Variants in KMT2E observed in about 807,000 individuals in gnomAD.
The protein encoded by KMT2E is lysine methyltransferase 2E (inactive).
In KMT2E, 30 loss-of-function variants were observed where a neutral mutation model predicts 184.6. The ratio of observed to expected loss-of-function variants is 0.16; its 90% CI spans 0.12 to 0.22. The LOEUF (loss-of-function observed/expected upper bound fraction) is 0.22, where lower values mean the gene tolerates loss of function less well. Ranked by LOEUF, KMT2E falls within the 10% of genes least tolerant of loss-of-function variation. KMT2E has a pLI of 1.00. For missense variants in KMT2E, 2,023 were observed against 2,237.4 expected (o/e 0.90, Z 1.93); for synonymous variants, 815 against 776.5 (o/e 1.05, Z -0.82).
intron 4 of KMT2E, 100 bp downstream of exon 4, chr7:105,062,378 G>T (rs2129567147): frequency 1.5e-6 from 1 of 675,958 alleles, no homozygotes. Flanking sequence ...TGAAAAGCAT[G>T]GTTGTTTCAT....
intron 1 of KMT2E, among the ~76,000 whole-genome samples, chr7:105,035,873 T>C (rs919401647): frequency 3.9e-5 from 6 of 152,154 alleles, no homozygotes; most frequent in Admixed American, 2.6e-4. Context: ...ACACAAATTT[T>C]AGTCTTTGAG....
chr7:105,101,621 A>T (rs760469940), intron 16 of KMT2E, 32 bp downstream of exon 16: 1 of 1,460,392 alleles, frequency 6.8e-7, no homozygotes, highest in Admixed American at 2.6e-5. Flanking sequence ...TTATTTTCTT[A>T]AACACTTTAA....
At chr7:105,020,104 T>C (rs1048505117) in intron 1 of KMT2E, among the ~76,000 whole-genome samples, 2 of 141,144 alleles carry the variant, frequency 1.4e-5, no homozygotes, top group African/African-American at 5.3e-5. Context: ...TGAGACTCTG[T>C]CTCAAAAAAA....
At chr7:105,030,023 T>C (rs1267308434) in intron 1 of KMT2E, among the ~76,000 whole-genome samples, 2 of 152,232 alleles carry the variant, frequency 1.3e-5, no homozygotes, top group African/African-American at 4.8e-5. Context: ...TGAGGTAATA[T>C]AGAAATACCT....
chr7:105,041,144 TAA>T (rs780544337), intron 3 of KMT2E, 121 bp downstream of exon 3: 7,183 of 429,080 alleles, frequency 0.017, no homozygotes, highest in South Asian at 0.022. Context: ...TTTTTTAAAG[TAA>T]AAAAAAAAAA....
chr7:105,093,409 C>T (rs895460643), intron 15 of KMT2E, among the ~76,000 whole-genome samples: 5 of 151,288 alleles, frequency 3.3e-5, no homozygotes, highest in Non-Finnish European at 7.4e-5. Flanking sequence ...TTGCTGGGCG[C>T]GGTGGCTCAC....
intron 12 of KMT2E, among the ~76,000 whole-genome samples, chr7:105,081,030 C>T (rs769805487): frequency 3.3e-5 from 5 of 151,218 alleles, no homozygotes; most frequent in African/African-American, 9.7e-5. Flanking sequence ...AACAAAAAAC[C>T]CTAAGATGCC....
At position 105,084,064 on chromosome 7, in the gene KMT2E, A is replaced by G. The variant is rs576087345; in HGVS notation, c.1358+2267A>G. Among the ~76,000 whole-genome samples the G allele has an allele frequency of 8.5e-4, 130 of 152,346 alleles. 1 individual carries two copies. Among genetic ancestry groups the G allele is most frequent in the African/African-American group, 3.1e-3 (127 of 41,574 alleles). ...CATTTGCAATACAAGATAAAAAGGT[A>G]TATTGCAAAAAGTGCATGGTTTTCA... is the stretch of plus-strand genomic sequence containing the variant. On this transcript the variant is annotated intron_variant, in intron 13 of 26. Transcript: ENST00000311117.
intron 3 of KMT2E, among the ~76,000 whole-genome samples, chr7:105,061,011 A>G (rs983071366): frequency 2.0e-5 from 3 of 152,198 alleles, no homozygotes; most frequent in Non-Finnish European, 1.5e-5. Flanking sequence ...AAGCATGACT[A>G]TATTCAGAAC....
At chr7:105,044,476 T>TAGTTATGTG (rs1256172475) in intron 3 of KMT2E, among the ~76,000 whole-genome samples, 7 of 151,936 alleles carry the variant, frequency 4.6e-5, no homozygotes, top group African/African-American at 1.7e-4. Flanking sequence ...GACCCCAGAG[T>TAGTTATGTG]AGTTATGTGG....
intron 15 of KMT2E, among the ~76,000 whole-genome samples, chr7:105,093,672 G>C (rs939869522): frequency 2.0e-5 from 3 of 151,798 alleles, no homozygotes; most frequent in South Asian, 4.1e-4. Context: ...CAACAAGAGC[G>C]AAACTCCATC....
intron 3 of KMT2E, among the ~76,000 whole-genome samples, chr7:105,042,746 C>T (rs567616673): frequency 1.3e-5 from 2 of 152,038 alleles, no homozygotes; most frequent in South Asian, 2.1e-4. Flanking sequence ...AAATTTCTTA[C>T]GTATTTTCAT....
Position 105,079,199 on chromosome 7 carries a change from G to A in KMT2E, c.1248+236G>A, listed in dbSNP as rs956991105. 9.4e-5 allele frequency among the ~76,000 whole-genome samples: 14 copies of A among 149,302 alleles called. 1 individual carries two copies. Among genetic ancestry groups the A allele is most frequent in the African/African-American group, 2.7e-4 (11 of 40,466 alleles). On this transcript the variant is annotated intron_variant, in intron 12 of 26. Transcript: ENST00000311117. ...TGCCCAGGCTGGAATACAATGGCAC[G>A]ATCTCAGCTCATGTAACCTCCGTCT...
In KMT2E at chr7:105,105,547, A is replaced by G; in HGVS notation, c.2305A>G (p.Thr769Ala). ...RITTDPEVLA[T>A]QLNSLPGLTY... ...AACTACAGATCCTGAAGTGTTAGCT[A>G]CACAACTCAATTCTTTACCAGGTCT... Residue 769 changes from threonine to alanine, a missense_variant, in exon 18 of 27, where the codon ACA (threonine) becomes GCA (alanine). Coordinates refer to ENST00000311117, the MANE Select transcript of KMT2E (RefSeq NM_182931.3). 6.2e-7 allele frequency: 1 copy of G among 1,614,132 alleles called. No homozygotes were observed. The highest frequency in any genetic ancestry group is 8.5e-7 in the Non-Finnish European group (1 of 1,179,980).
chr7:105,050,658 C>CTTT (rs1796295699), intron 3 of KMT2E, among the ~76,000 whole-genome samples: 1 of 143,834 alleles, frequency 7.0e-6, no homozygotes, highest in East Asian at 2.0e-4. Flanking sequence ...TTCTTTCTTT[C>CTTT]TTTCTTTTTT....
In KMT2E at chr7:105,106,679, A is replaced by G. The variant is rs1798911282; in HGVS notation, c.2754A>G (p.Ser918=). ...TTGCCACGCCTCCACGGATAAAATC[A>G]GATGATGAAACTTGTAGAAATGGTT... ...PSFATPPRIK[S]DDETCRNGYK... Residue 918 remains serine (S), a synonymous_variant, in exon 20 of 27, where the codon TCA becomes TCG. Transcript: ENST00000311117. 1 of 1,613,960 alleles carries G rather than the reference A, an allele frequency of 6.2e-7. No homozygotes were observed.
At position 105,114,635 on chromosome 7, in the gene KMT2E, CAT is replaced by C. The variant is rs1491261882; in HGVS notation, c.*1305_*1306del. ...ATAATGATACTGTTTTATCAATCAACATATTTTTCATCATCCAATTACCTGAC... is the reference window on the plus strand; with the variant it reads ...ATAATGATACTGTTTTATCAATCAACATTTTTCATCATCCAATTACCTGAC... On this transcript the variant is annotated 3_prime_UTR_variant, in exon 27 of 27. Coordinates refer to ENST00000311117, the MANE Select transcript of KMT2E (RefSeq NM_182931.3). 6.6e-6 allele frequency among the ~76,000 whole-genome samples: 1 copy of C among 152,194 alleles called. No homozygotes were observed. The highest frequency in any genetic ancestry group is 6.5e-5 in the Admixed American group (1 of 15,284).
chr7:105,037,388 G>A (rs1795703899), intron 1 of KMT2E, among the ~76,000 whole-genome samples: 2 of 151,224 alleles, frequency 1.3e-5, no homozygotes, highest in South Asian at 4.2e-4. Context: ...TTTAAGACAG[G>A]GTCTCCCTCT....
chr7:105,060,518 C>A (rs1251462592), intron 3 of KMT2E, among the ~76,000 whole-genome samples: 6 of 152,142 alleles, frequency 3.9e-5, no homozygotes, highest in African/African-American at 1.4e-4. Flanking sequence ...CCTCAAACTT[C>A]TAGGCCCAAA....
Sources: allele counts gnomAD v4.1 joint callset (sites outside exome capture counted in the v4.1 genomes callset), GRCh38; gene constraint gnomAD v4.1.1; transcripts MANE v1.5; gene names NCBI Gene and HGNC (gene_info 2026-07-23, HGNC 2026-07-21).